Variants in AP3B1 observed in about 807,000 individuals in gnomAD.
AP3B1 encodes the protein adaptor related protein complex 3 subunit beta 1.
In AP3B1, 61 loss-of-function variants were observed where a neutral mutation model predicts 132.5. That is an observed-to-expected ratio of 0.46 (90% CI 0.37 to 0.57). The LOEUF is 0.57. Ranked by LOEUF, AP3B1 falls within the 20% of genes least tolerant of loss-of-function variation. The pLI is 0.00. For missense variants in AP3B1, 1,120 were observed against 1,289.4 expected (o/e 0.87, Z 2.01); for synonymous variants, 388 against 438.3 (o/e 0.89, Z 1.43).
intron 1 of AP3B1, among the ~76,000 whole-genome samples, chr5:78,291,086 T>C (rs1243493334): frequency 6.6e-6 from 1 of 152,200 alleles, no homozygotes; most frequent in Non-Finnish European, 1.5e-5. Flanking sequence ...CATAAAGCCA[T>C]CTAATTCTGC....
intron 7 of AP3B1, among the ~76,000 whole-genome samples, chr5:78,188,178 G>T (rs918688645): frequency 3.9e-5 from 6 of 152,166 alleles, no homozygotes; most frequent in African/African-American, 4.8e-5. Flanking sequence ...CATGGACAAA[G>T]ACTTTATGAT....
At chr5:78,288,601 T>G (rs1749381122) in intron 1 of AP3B1, among the ~76,000 whole-genome samples, 1 of 152,142 alleles carries the variant, frequency 6.6e-6, no homozygotes, top group Non-Finnish European at 1.5e-5. Flanking sequence ...CTGTATAGGG[T>G]CCACGGAATC....
Position 78,070,181 on chromosome 5 carries a change from C to T in AP3B1, c.2577+19212G>A, listed in dbSNP as rs188897179. Among the ~76,000 whole-genome samples the T allele has an allele frequency of 1.8e-3, 280 of 151,918 alleles. 1 individual carries two copies. The highest frequency in any genetic ancestry group is 6.3e-3 in the African/African-American group (262 of 41,426). ...CAGCACTTTGGGAGGCTGAGGCAGG[C>T]GGATCACCTGAGGTCAGGAGTTCAA... On this transcript the variant is annotated intron_variant, in intron 22 of 26. Coordinates refer to ENST00000255194, the MANE Select transcript of AP3B1 (RefSeq NM_003664.5).
At chr5:78,249,579 CT>C (rs71301504) in intron 2 of AP3B1, among the ~76,000 whole-genome samples, 19,776 of 105,614 alleles carry the variant, frequency 0.19, 679 homozygotes, top group South Asian at 0.25. Context: ...TTTTCTTTTT[CT>C]TTTTTTTTTT....
At chr5:78,232,759 T>C (rs956533366) in intron 3 of AP3B1, among the ~76,000 whole-genome samples, 2 of 152,090 alleles carry the variant, frequency 1.3e-5, no homozygotes, top group Non-Finnish European at 2.9e-5. Flanking sequence ...CAGGCTGGAG[T>C]GCAGTGGCAC....
At chr5:78,053,827 T>C (rs1748694613) in intron 22 of AP3B1, among the ~76,000 whole-genome samples, 1 of 152,160 alleles carries the variant, frequency 6.6e-6, no homozygotes, top group South Asian at 2.1e-4. Flanking sequence ...ATTAGGTTCG[T>C]TTTACTCTGA....
rs34203981 is a variant in AP3B1 at position 78,072,712 on chromosome 5, CTTTTT to C, written c.2577+16676_2577+16680del. Among the ~76,000 whole-genome samples the C allele has an allele frequency of 8.8e-5, 6 of 68,286 alleles. No homozygotes were observed. In the South Asian group the frequency reaches 2.0e-3, roughly 23 times the overall value. The allele number at this position is 68,286 out of a possible 152,430, so 44.8% of individuals were successfully genotyped here. On this transcript the variant is annotated intron_variant, in intron 22 of 26. Transcript: ENST00000255194. ...TGAGTAACAATGTGTCTGATATATT[CTTTTT>C]TTTTTTTTTTTTTTTTTTTTTTGAG... is the stretch of plus-strand genomic sequence containing the variant.
chr5:78,206,044 G>T (rs549213247), intron 7 of AP3B1, among the ~76,000 whole-genome samples: 1 of 152,048 alleles, frequency 6.6e-6, no homozygotes. Context: ...ACAAAGGTCA[G>T]TATGAGCTGA....
intron 7 of AP3B1, 38 bp downstream of exon 7, chr5:78,216,016 CT>C: frequency 6.2e-7 from 1 of 1,607,724 alleles, no homozygotes; most frequent in South Asian, 1.1e-5. Flanking sequence ...CATCCATTCT[CT>C]TAGTATACTT....
At chr5:78,124,476 G>A (rs910403708) in intron 17 of AP3B1, among the ~76,000 whole-genome samples, 1 of 152,224 alleles carries the variant, frequency 6.6e-6, no homozygotes, top group South Asian at 2.1e-4. Flanking sequence ...TTTGGGAGCT[G>A]AGGCAGGAGG....
At chr5:78,144,149 C>A (rs1753281865) in intron 14 of AP3B1, among the ~76,000 whole-genome samples, 1 of 152,090 alleles carries the variant, frequency 6.6e-6, no homozygotes, top group South Asian at 2.1e-4. Flanking sequence ...CAGAGTCATA[C>A]ATATGATATA....
intron 17 of AP3B1, among the ~76,000 whole-genome samples, chr5:78,122,361 A>G (rs1752249625): frequency 6.6e-6 from 1 of 152,226 alleles, no homozygotes; most frequent in Non-Finnish European, 1.5e-5. Flanking sequence ...GTTAGGCAGG[A>G]GAAGGAAATA....
chr5:78,001,402 G>A (rs1040368250), downstream of AP3B1: 3 of 152,170 alleles, frequency 2.0e-5, no homozygotes, highest in African/African-American at 7.2e-5. Flanking sequence ...AGAGGGAAGT[G>A]GAACTCGTGG....
intron 14 of AP3B1, among the ~76,000 whole-genome samples, chr5:78,150,579 A>G (rs1324405090): frequency 6.6e-6 from 1 of 152,220 alleles, no homozygotes; most frequent in African/African-American, 2.4e-5. Flanking sequence ...CACATAATGC[A>G]GCACTACTAT....
chr5:78,251,716 C>T lies in AP3B1; in HGVS notation c.205-10780G>A, dbSNP rs566081601. Among the ~76,000 whole-genome samples the T allele has an allele frequency of 2.8e-4, 43 of 152,336 alleles. No individual in the cohort carries two copies. In the South Asian group the frequency reaches 8.5e-3, roughly 30 times the overall value. On this transcript the variant is annotated intron_variant, in intron 2 of 26. Coordinates refer to ENST00000255194, the MANE Select transcript of AP3B1 (RefSeq NM_003664.5). ...TGGAAAACCTCGCCACCGAGGGCTA[C>T]AGCACTGTGTGTCTCCAAGTAAACT... is the stretch of plus-strand genomic sequence containing the variant.
intron 19 of AP3B1, 114 bp downstream of exon 19, chr5:78,113,637 GA>G (rs571782220): frequency 1.7e-5 from 20 of 1,205,218 alleles, no homozygotes; most frequent in East Asian, 2.4e-5. Context: ...TTAATATCTG[GA>G]AAAAAATACA....
intron 22 of AP3B1, among the ~76,000 whole-genome samples, chr5:78,058,914 G>T (rs1337924622): frequency 6.6e-6 from 1 of 152,210 alleles, no homozygotes; most frequent in Non-Finnish European, 1.5e-5. Context: ...GTTGGGGTGA[G>T]ACATGAGTAT....
In AP3B1 at chr5:78,002,892, T is replaced by C. The variant is rs199521659; in HGVS notation, c.*10A>G. On this transcript the variant is annotated 3_prime_UTR_variant, in exon 27 of 27. Transcript: ENST00000255194. ...TGTGTGCCAGATTCTAAAGTCCAGATGTAAGCAGGTTACCCCTGAGACAGG... is the reference window on the plus strand; with the variant it reads ...TGTGTGCCAGATTCTAAAGTCCAGACGTAAGCAGGTTACCCCTGAGACAGG... 1.9e-6 allele frequency: 3 copies of C among 1,614,194 alleles called. No individual in the cohort carries two copies. The highest frequency in any genetic ancestry group is 2.7e-5 in the African/African-American group (2 of 75,056).
chr5:78,234,154 T>C (rs2112506692), intron 3 of AP3B1, among the ~76,000 whole-genome samples: 1 of 152,266 alleles, frequency 6.6e-6, no homozygotes, highest in East Asian at 1.9e-4. Context: ...CCCATCTCTA[T>C]TATCAATGTA....
Sources: gnomAD v4.1 joint callset for allele counts (sites outside exome capture counted in the v4.1 genomes callset) on GRCh38, gnomAD v4.1.1 for gene constraint, MANE v1.5 for transcripts, NCBI Gene and HGNC (gene_info 2026-07-23, HGNC 2026-07-21) for gene names.